The following TMEM236 variants were observed in gnomAD, a reference collection of about 807,000 sequenced individuals.
TMEM236 encodes the protein transmembrane protein 236.
A neutral mutation model predicts 14.7 loss-of-function variants in TMEM236; 11 were observed. That is an observed-to-expected ratio of 0.75 (90% confidence interval 0.47 to 1.24). TMEM236 has a LOEUF of 1.24. Ranked by LOEUF, TMEM236 falls within the 50% of genes most tolerant of loss-of-function variation. The pLI is 0.00. For synonymous variants in TMEM236, 182 were observed against 168.6 expected, an observed-to-expected ratio of 1.08 and a Z score of -0.62; for missense variants, 464 against 427.3, an observed-to-expected ratio of 1.09 and a Z score of -0.76.
Position 17,795,989 on chromosome 10 carries a change from C to T in TMEM236, c.541C>T (p.Gln181Ter). The change falls in exon 4 of 4, where the codon CAA becomes TAA. Residue 181 changes from glutamine to a stop codon, truncating the protein, a stop_gained. Coordinates refer to ENST00000377495, the MANE Select transcript of TMEM236 (RefSeq NM_001098844.3). LOFTEE classifies it low-confidence loss of function (END_TRUNC). ...AAAAACTGTGACGGAGCAAGTGAGG[C>T]AAAGTCCAGAAAACGCTGCATCTCC... The part of the protein sequence containing the change: ...HIKTVTEQVR[Q>*]SPENAASPQA... The T allele has an allele frequency of 6.2e-7, 1 of 1,613,942 alleles. No homozygotes were observed. Among genetic ancestry groups the T allele is most frequent in the Non-Finnish European group, 8.5e-7 (1 of 1,179,870 alleles).
chr10:17,782,741 G>A (rs35279488), intron 3 of TMEM236, among the ~76,000 whole-genome samples: 10,845 of 152,044 alleles, frequency 0.071, 678 homozygotes, highest in East Asian at 0.18. Flanking sequence ...GTGAGCCACC[G>A]CGCCAGGCCT....
chr10:17,785,397 C>G (rs1304505714), intron 3 of TMEM236, among the ~76,000 whole-genome samples: 4 of 152,168 alleles, frequency 2.6e-5, no homozygotes, highest in Non-Finnish European at 5.9e-5. Flanking sequence ...GTGCTAGGAG[C>G]TGTCATAAAT....
At chr10:17,760,049 G>A (rs1238747427) in intron 1 of TMEM236, among the ~76,000 whole-genome samples, 2 of 137,234 alleles carry the variant, frequency 1.5e-5, no homozygotes, top group South Asian at 2.4e-4. Flanking sequence ...TCACTGCTCC[G>A]CGCTGGCCCT....
rs1363531534 is a variant in TMEM236 at position 17,795,980 on chromosome 10, C to G, written c.532C>G (p.Gln178Glu). Residue 178 changes from glutamine (Q) to glutamate (E), a missense_variant, in exon 4 of 4, where the codon CAA becomes GAA. Transcript: ENST00000377495. ...GCAACACATAAAAACTGTGACGGAG[C>G]AAGTGAGGCAAAGTCCAGAAAACGC... ...SLQHIKTVTE[Q>E]VRQSPENAAS... The G allele has an allele frequency of 3.1e-6, 5 of 1,613,750 alleles. No homozygotes were observed. Among genetic ancestry groups the G allele is most frequent in the Admixed American group, 3.3e-5 (2 of 59,986 alleles).
chr10:17,771,455 G>T, intron 2 of TMEM236, 74 bp downstream of exon 2: 2 of 1,440,964 alleles, frequency 1.4e-6, no homozygotes, highest in South Asian at 2.3e-5. Flanking sequence ...ATTTGATAGA[G>T]CAGCGTGCTC....
intron 1 of TMEM236, among the ~76,000 whole-genome samples, chr10:17,755,360 A>G (rs988436423): frequency 2.6e-5 from 4 of 152,214 alleles, no homozygotes; most frequent in Non-Finnish European, 5.9e-5. Context: ...ACTCTGCAAT[A>G]GAGCTAGAAA....
chr10:17,766,683 G>A (rs1050362347), intron 1 of TMEM236, among the ~76,000 whole-genome samples: 4 of 152,154 alleles, frequency 2.6e-5, no homozygotes, highest in South Asian at 2.1e-4. Context: ...CAAAATTGGC[G>A]TTAAGTTTCC....
intron 2 of TMEM236, among the ~76,000 whole-genome samples, chr10:17,772,500 C>A (rs1021276830): frequency 6.6e-6 from 1 of 152,194 alleles, no homozygotes; most frequent in Admixed American, 6.5e-5. Flanking sequence ...AACATCACTG[C>A]GGTAAACTGA....
chr10:17,770,638 C>T, intron 1 of TMEM236, among the ~76,000 whole-genome samples: 1 of 152,222 alleles, frequency 6.6e-6, no homozygotes, highest in East Asian at 1.9e-4. Context: ...CTGCCTTGGC[C>T]TCCCAAAATG....
At chr10:17,777,413 T>C (rs1396133311) in intron 3 of TMEM236, among the ~76,000 whole-genome samples, 1 of 152,170 alleles carries the variant, frequency 6.6e-6, no homozygotes, top group East Asian at 1.9e-4. Flanking sequence ...TCCAAATCCT[T>C]TGCTACATCT....
Position 17,798,561 on chromosome 10 carries a change from G to A in TMEM236, c.*2057G>A, listed in dbSNP as rs1047350462. The stretch of plus-strand genomic sequence containing the variant: ...TAAAAAAAATAAAAGAGAATTTGAC[G>A]TTGTGTTATTCTACGCTCCACCAAA... On this transcript the variant is annotated 3_prime_UTR_variant, in exon 4 of 4. Transcript: ENST00000377495. 4.3e-5 allele frequency: 23 copies of A among 534,130 alleles called. No homozygotes were observed. Among genetic ancestry groups the A allele is most frequent in the African/African-American group, 1.3e-4 (7 of 51,874 alleles). 33.1% of individuals were successfully genotyped at this position (534,130 alleles called of 1,614,324 possible). A position where few individuals can be genotyped will look rare whatever the true frequency, so the allele number is the denominator to read the frequency against.
In TMEM236 at chr10:17,797,032, C is replaced by T. The variant is rs2130542142; in HGVS notation, c.*528C>T. On this transcript the variant is annotated 3_prime_UTR_variant, in exon 4 of 4. Transcript: ENST00000377495. ...ACAGTTTCATCCCAGAACCCAACCC[C>T]ACCCCCAACCCTGGCTGTGGAAAAA... 2 of 160,410 alleles carry T rather than the reference C, an allele frequency of 1.2e-5. No homozygotes were observed. Among genetic ancestry groups the T allele is most frequent in the Admixed American group, 1.1e-4 (2 of 17,416 alleles). The allele number at this position is 160,410 out of a possible 1,614,324, so 9.9% of individuals were successfully genotyped here. A position where few individuals can be genotyped will look rare whatever the true frequency, so the allele number is the denominator to read the frequency against.
intron 3 of TMEM236, among the ~76,000 whole-genome samples, chr10:17,786,465 C>T (rs971719606): frequency 6.6e-6 from 1 of 152,174 alleles, no homozygotes; most frequent in Non-Finnish European, 1.5e-5. Flanking sequence ...CTCAAGTGAT[C>T]CTCCTGCCTC....
rs950439392 is a variant in TMEM236 at position 17,798,304 on chromosome 10, T to C, written c.*1800T>C. ...GTGTAATCCCAGCACTTTGGGAGGT[T>C]GAGGCAGGTAGATCACTGGAGTCCA... is the stretch of plus-strand genomic sequence containing the variant. On this transcript the variant is annotated 3_prime_UTR_variant, in exon 4 of 4. Transcript: ENST00000377495. The C allele has an allele frequency of 0.48, 142,112 of 298,276 alleles. 34,516 individuals carry two copies. The highest frequency in any genetic ancestry group is 0.6 in the East Asian group (6,615 of 10,944). The allele number at this position is 298,276 out of a possible 1,614,324, so 18.5% of individuals were successfully genotyped here.
Position 17,771,314 on chromosome 10 carries a change from C to A in TMEM236, c.263C>A (p.Pro88His). The change falls in exon 2 of 4, where the codon CCT (proline) becomes CAT (histidine). Residue 88 changes from proline to histidine, a missense_variant. By Grantham distance (77) the Pro-to-His change is moderately conservative. Transcript: ENST00000377495. ...YIYRKIKGWR[P>H]VLMMCVVLTT... The stretch of plus-strand genomic sequence containing the variant: ...TATTTTTTCTCCTTTGCTAGGAGAC[C>A]TGTTCTGATGATGTGTGTGGTCCTC... The A allele has an allele frequency of 6.2e-7, 1 of 1,613,880 alleles. No homozygotes were observed. Among genetic ancestry groups the A allele is most frequent in the South Asian group, 1.1e-5 (1 of 91,080 alleles).
At chr10:17,756,872 C>G (rs1037353470) in intron 1 of TMEM236, among the ~76,000 whole-genome samples, 36 of 152,330 alleles carry the variant, frequency 2.4e-4, no homozygotes, top group Non-Finnish European at 4.7e-4. Context: ...CCAGTCATCT[C>G]TGGTGTCTGT....
At chr10:17,759,309 A>C (rs1158436608) in intron 1 of TMEM236, among the ~76,000 whole-genome samples, 4 of 152,236 alleles carry the variant, frequency 2.6e-5, no homozygotes, top group African/African-American at 4.8e-5. Flanking sequence ...GTACATTGGC[A>C]GTAGGATAAT....
intron 1 of TMEM236, among the ~76,000 whole-genome samples, chr10:17,755,765 C>T (rs1045562900): frequency 1.3e-3 from 195 of 152,310 alleles, no homozygotes; most frequent in Non-Finnish European, 1.9e-3. Flanking sequence ...TGGCCCACCA[C>T]AGCCCAGGAA....
intron 3 of TMEM236, among the ~76,000 whole-genome samples, chr10:17,795,706 G>A (rs916926897): frequency 6.6e-6 from 1 of 152,150 alleles, no homozygotes; most frequent in Non-Finnish European, 1.5e-5. Context: ...GTTGACAGGT[G>A]CAGCACGCCA....
Sources: allele counts gnomAD v4.1 joint callset (sites outside exome capture counted in the v4.1 genomes callset), GRCh38; gene constraint gnomAD v4.1.1; transcripts MANE v1.5; gene names NCBI Gene and HGNC (gene_info 2026-07-23, HGNC 2026-07-21).